AKAP13: variants seen among roughly 807,000 people sequenced by gnomAD.
AKAP13 encodes the protein A-kinase anchor protein 13.
In AKAP13, 80 loss-of-function variants were observed where a neutral mutation model predicts 264.5. That is an observed-to-expected ratio of 0.30 (90% confidence interval 0.25 to 0.36). AKAP13 has a LOEUF of 0.36. Ranked by LOEUF, AKAP13 falls within the 10% of genes least tolerant of loss-of-function variation. The pLI is 1.00. For synonymous variants in AKAP13, 1,380 were observed against 1,250.2 expected, an observed-to-expected ratio of 1.10 and a Z score of -2.19; for missense variants, 3,712 against 3,435.2, an observed-to-expected ratio of 1.08 and a Z score of -2.01.
chr15:85,645,551 C>G (rs147998258), intron 9 of AKAP13, among the ~76,000 whole-genome samples: 1 of 152,226 alleles, frequency 6.6e-6, no homozygotes, highest in East Asian at 1.9e-4. Context: ...TTTTATCTTT[C>G]TGTACCTAAT....
At position 85,543,837 on chromosome 15, in the gene AKAP13, T is replaced by A; in HGVS notation, c.544T>A (p.Phe182Ile). Residue 182 changes from phenylalanine to isoleucine, a missense_variant, in exon 5 of 37, where the codon TTC becomes ATC. By Grantham distance (21) the Phe-to-Ile change is conservative. Coordinates refer to ENST00000394518, the MANE Select transcript of AKAP13 (RefSeq NM_007200.5). ...GCTGGGACTGCTGAGGTTGACGTGG[T>A]TCCTGTTGCAGAAGCCAGGTGGCCG... The part of the protein sequence containing the change: ...VRLGLLRLTW[F>I]LLQKPGGRGA... 1.2e-6 allele frequency: 2 copies of A among 1,614,080 alleles called. No homozygotes were observed. The highest frequency in any genetic ancestry group is 1.7e-6 in the Non-Finnish European group (2 of 1,179,974).
chr15:85,735,622 C>T lies in AKAP13; in HGVS notation c.7504C>T (p.Leu2502=). The T allele has an allele frequency of 6.2e-7, 1 of 1,612,304 alleles. No homozygotes were observed. Among genetic ancestry groups the T allele is most frequent in the South Asian group, 1.1e-5 (1 of 90,454 alleles). ...DLRRTESDSG[L]KKGGNANLVF... ...TAGGAGAACGGAATCAGATAGTGGCCTAAAAAAGGTATTTCTCTTTAAAAT... is the reference window on the plus strand; with the variant it reads ...TAGGAGAACGGAATCAGATAGTGGCTTAAAAAAGGTATTTCTCTTTAAAAT... The change falls in exon 32 of 37, where the codon CTA becomes TTA. Residue 2502 remains leucine, a synonymous_variant. Coordinates refer to ENST00000394518, the MANE Select transcript of AKAP13 (RefSeq NM_007200.5).
At chr15:85,692,002 T>TA in intron 16 of AKAP13, 3 of 408,776 alleles carry the variant, frequency 7.3e-6, no homozygotes, top group South Asian at 5.2e-5. Flanking sequence ...TGGAACCCCA[T>TA]TTTTTTAAAG....
intron 1 of AKAP13, among the ~76,000 whole-genome samples, chr15:85,388,595 G>A (rs1194117791): frequency 6.6e-6 from 1 of 151,996 alleles, no homozygotes; most frequent in Non-Finnish European, 1.5e-5. Flanking sequence ...GTTGTCAAAG[G>A]TTTTTCTGTA....
At chr15:85,631,120 G>T (rs1175878599) in intron 8 of AKAP13, among the ~76,000 whole-genome samples, 1 of 152,094 alleles carries the variant, frequency 6.6e-6, no homozygotes. Context: ...ACTGTTACAT[G>T]CTTCAACATG....
chr15:85,625,483 G>A (rs1224617587), intron 8 of AKAP13, among the ~76,000 whole-genome samples: 3 of 152,118 alleles, frequency 2.0e-5, no homozygotes, highest in Admixed American at 6.6e-5. Flanking sequence ...TTTGAATCAC[G>A]TTTGGAAAAG....
chr15:85,399,382 G>C (rs564579285), intron 1 of AKAP13, among the ~76,000 whole-genome samples: 2,041 of 148,736 alleles, frequency 0.014, 46 homozygotes, highest in African/African-American at 0.047. Context: ...TGTAGTCCCA[G>C]CTACTCGGGA....
chr15:85,582,866 G>A, intron 7 of AKAP13: 1 of 985,376 alleles, frequency 1.0e-6, no homozygotes, highest in Non-Finnish European at 1.2e-6. Context: ...GGCAGACCTT[G>A]TGTCTGCTTT....
intron 8 of AKAP13, chr15:85,621,260 G>C (rs542951302): frequency 6.6e-6 from 1 of 152,224 alleles, no homozygotes; most frequent in African/African-American, 2.4e-5. Context: ...AGGTAGAGGC[G>C]TTGTGATTTG....
intron 8 of AKAP13, among the ~76,000 whole-genome samples, chr15:85,635,814 T>A (rs1404443847): frequency 6.6e-6 from 1 of 152,220 alleles, no homozygotes; most frequent in East Asian, 1.9e-4. Flanking sequence ...ATAGCATCAT[T>A]TGTTCATAAG....
intron 1 of AKAP13, among the ~76,000 whole-genome samples, chr15:85,450,718 G>A (rs28778143): frequency 0.022 from 3,369 of 152,214 alleles, 120 homozygotes; most frequent in African/African-American, 0.074. Context: ...TGGTCTGAGT[G>A]TGTGTTTGGT....
At chr15:85,593,104 G>A (rs1486145461) in intron 8 of AKAP13, among the ~76,000 whole-genome samples, 1 of 152,144 alleles carries the variant, frequency 6.6e-6, no homozygotes, top group Non-Finnish European at 1.5e-5. Context: ...GAGGCCAGGA[G>A]TTCGAGACCA....
rs373189943 is a variant in AKAP13 at position 85,433,882 on chromosome 15, G to A, written c.-11-51828G>A. Among the ~76,000 whole-genome samples the A allele has an allele frequency of 1.4e-4, 21 of 152,046 alleles. No individual in the cohort carries two copies. In the East Asian group the frequency reaches 3.5e-3, roughly 25 times the overall value. ...CTTGAACCCGGGAGTTGGAGGTTGC[G>A]GTGAGCCGAGATTGTGCCATTGCAC... is the stretch of plus-strand genomic sequence containing the variant. On this transcript the variant is annotated intron_variant, in intron 1 of 36. Transcript: ENST00000394518.
At chr15:85,590,747 A>C (rs1367686539) in intron 8 of AKAP13, among the ~76,000 whole-genome samples, 1 of 152,178 alleles carries the variant, frequency 6.6e-6, no homozygotes, top group Non-Finnish European at 1.5e-5. Context: ...TGCCCATTGC[A>C]ATTTAATATT....
intron 17 of AKAP13, chr15:85,701,210 A>T (rs1196048442): frequency 6.6e-6 from 1 of 151,958 alleles, no homozygotes; most frequent in East Asian, 1.9e-4. Flanking sequence ...CACCCAAGGA[A>T]TTTGCTTTTT....
At chr15:85,619,999 G>A in intron 8 of AKAP13, 9 of 1,511,428 alleles carry the variant, frequency 6.0e-6, no homozygotes, top group Non-Finnish European at 7.9e-6. Flanking sequence ...ACCTAACCGT[G>A]AGAAATTTGG....
chr15:85,404,120 A>T (rs749802527), intron 1 of AKAP13, among the ~76,000 whole-genome samples: 1 of 152,218 alleles, frequency 6.6e-6, no homozygotes, highest in Non-Finnish European at 1.5e-5. Flanking sequence ...TACACACATC[A>T]TCAGAAATCA....
chr15:85,545,566 G>A (rs1438375472), intron 5 of AKAP13, among the ~76,000 whole-genome samples: 1 of 152,198 alleles, frequency 6.6e-6, no homozygotes. Context: ...AAACCAACCT[G>A]AGAAATCACC....
chr15:85,468,554 A>T (rs1453052111), intron 1 of AKAP13, among the ~76,000 whole-genome samples: 2 of 152,208 alleles, frequency 1.3e-5, no homozygotes, highest in African/African-American at 4.8e-5. Flanking sequence ...TACTAAAGAG[A>T]TGTCTTGGTT....
Sources: gnomAD v4.1 joint callset for allele counts (sites outside exome capture counted in the v4.1 genomes callset) on GRCh38, gnomAD v4.1.1 for gene constraint, MANE v1.5 for transcripts, NCBI Gene and HGNC (gene_info 2026-07-23, HGNC 2026-07-21) for gene names.